SIK3: variants seen among roughly 807,000 people sequenced by gnomAD.
SIK3 encodes the protein SIK family kinase 3.
A neutral mutation model predicts 144.2 loss-of-function variants in SIK3; 28 were observed. The ratio of observed to expected loss-of-function variants is 0.19; its 90% CI spans 0.14 to 0.27. The LOEUF is 0.27. Among genes scored for constraint, SIK3 ranks in the 10% least tolerant of loss-of-function variants. The pLI is 1.00. For synonymous variants in SIK3, 686 were observed against 676.3 expected (o/e 1.01, Z -0.22); for missense variants, 1,319 against 1,776.0 (o/e 0.74, Z 4.62).
At chr11:116,865,207 G>A (rs2134454822) in intron 15 of SIK3, 1 of 151,422 alleles carries the variant, frequency 6.6e-6, no homozygotes, top group South Asian at 2.1e-4. Context: ...TGATTCCTAT[G>A]CTTTCAATGT....
At chr11:116,946,301 C>T (rs1004403808) in intron 3 of SIK3, among the ~76,000 whole-genome samples, 2 of 152,162 alleles carry the variant, frequency 1.3e-5, no homozygotes, top group Non-Finnish European at 2.9e-5. Context: ...ACTCAACCTG[C>T]CACAATTACA....
rs753201277 is a variant in SIK3, at chr11:116,875,261, C to T, written c.1324G>A (p.Gly442Arg). 1.9e-6 allele frequency: 3 copies of T among 1,614,114 alleles called. No individual in the cohort carries two copies. Among genetic ancestry groups the T allele is most frequent in the Admixed American group, 1.7e-5 (1 of 60,024 alleles). The change falls in exon 11 of 25, where the codon GGG becomes AGG. Residue 442 changes from glycine (G) to arginine (R), a missense_variant. By Grantham distance (125) the Gly-to-Arg change is moderately radical. Coordinates refer to ENST00000445177, the MANE Select transcript of SIK3 (RefSeq NM_001366686.3). ...TCATCACTGTCCAAATTCAGTGTCCCATCCGGCTGAGGTGGAGGGAAACAC... is the reference window on the plus strand; with the variant it reads ...TCATCACTGTCCAAATTCAGTGTCCTATCCGGCTGAGGTGGAGGGAAACAC... Reference protein sequence around the residue: ...NPENQIVEPDGTLNLDSDEGE... With the variant: ...NPENQIVEPDRTLNLDSDEGE...
intron 4 of SIK3, among the ~76,000 whole-genome samples, chr11:116,924,697 CCCCAACTACA>C (rs1947180225): frequency 6.6e-6 from 1 of 152,152 alleles, no homozygotes; most frequent in Non-Finnish European, 1.5e-5. Flanking sequence ...TCCTTCCCCA[CCCCAACTACA>C]CCCAAGGAGA....
At chr11:116,880,483 G>C (rs911011674) in intron 6 of SIK3, among the ~76,000 whole-genome samples, 2 of 152,114 alleles carry the variant, frequency 1.3e-5, no homozygotes, top group African/African-American at 4.8e-5. Flanking sequence ...TTTTAATCTT[G>C]ACTATCCTAC....
chr11:116,991,912 C>G (rs1591492924), intron 1 of SIK3, among the ~76,000 whole-genome samples: 1 of 152,062 alleles, frequency 6.6e-6, no homozygotes, highest in African/African-American at 2.4e-5. Flanking sequence ...TTTTTCATTT[C>G]TAACTCATAG....
rs35279676 is a variant in SIK3, at chr11:117,005,336, GAAAAAA to G, written c.274-48278_274-48273del. 4.1e-3 allele frequency among the ~76,000 whole-genome samples: 228 copies of G among 55,980 alleles called. 2 individuals are homozygous for G. Among genetic ancestry groups the G allele is most frequent in the South Asian group, 0.03 (29 of 970 alleles). The allele number at this position is 55,980 out of a possible 152,430, so 36.7% of individuals were successfully genotyped here. A position where few individuals can be genotyped will look rare whatever the true frequency, so the allele number is the denominator to read the frequency against. ...GGTGACAGAGCGAGACCCCGTCTCA[GAAAAAA>G]AAAAAAAAAAAAAAAAAAAGATAAA... On this transcript the variant is annotated intron_variant, in intron 1 of 24. Coordinates refer to ENST00000445177, the MANE Select transcript of SIK3 (RefSeq NM_001366686.3).
intron 1 of SIK3, among the ~76,000 whole-genome samples, chr11:117,020,208 C>T (rs991970729): frequency 4.5e-5 from 5 of 110,160 alleles, no homozygotes; most frequent in East Asian, 2.2e-4. Flanking sequence ...CATCATGGGT[C>T]GCGGTGATAT....
At chr11:116,866,256 A>C (rs1943628784) in intron 15 of SIK3, among the ~76,000 whole-genome samples, 1 of 152,192 alleles carries the variant, frequency 6.6e-6, no homozygotes, top group Admixed American at 6.5e-5. Context: ...CTTCAGCTAA[A>C]CAACAGACTC....
chr11:117,013,905 GGGGGGGGAGGGTGTGT>G (rs1951387649), intron 1 of SIK3, among the ~76,000 whole-genome samples: 1 of 47,244 alleles, frequency 2.1e-5, no homozygotes, highest in African/African-American at 6.7e-5. Flanking sequence ...TCTGAGGGGG[GGGGGGGGAGGGTGTGT>G]GTGTGTGTGT....
chr11:117,003,134 TCCTATGATA>T (rs1950913339), intron 1 of SIK3, among the ~76,000 whole-genome samples: 1 of 152,196 alleles, frequency 6.6e-6, no homozygotes, highest in East Asian at 1.9e-4. Flanking sequence ...ACATCTCGTT[TCCTATGATA>T]CTGATTTTTG....
In SIK3 at chr11:116,862,342, G is replaced by A; in HGVS notation, c.2104-15C>T. On this transcript the variant is annotated splice_polypyrimidine_tract_variant and intron_variant, in intron 16 of 24. Coordinates refer to ENST00000445177, the MANE Select transcript of SIK3 (RefSeq NM_001366686.3). ...TGCTCACACTCCTGAAGGGAAAGTA[G>A]TTAATACAGATGGGATGCAGCCAGA... 1 of 1,614,110 alleles carries A rather than the reference G, an allele frequency of 6.2e-7. No individual in the cohort carries two copies. The highest frequency in any genetic ancestry group is 8.5e-7 in the Non-Finnish European group (1 of 1,179,980).
chr11:116,884,228 T>A (rs1163227974), intron 6 of SIK3, among the ~76,000 whole-genome samples: 10 of 152,128 alleles, frequency 6.6e-5, no homozygotes, highest in Non-Finnish European at 1.5e-4. Context: ...TGGAGTCTCA[T>A]TCTGTTGGCC....
At chr11:117,069,715 T>TCC (rs1454796131) in intron 1 of SIK3, among the ~76,000 whole-genome samples, 1 of 152,158 alleles carries the variant, frequency 6.6e-6, no homozygotes, top group African/African-American at 2.4e-5. Context: ...AAAGAATATA[T>TCC]CCCTTCTATT....
chr11:117,009,354 T>A lies in SIK3; in HGVS notation c.274-52290A>T, dbSNP rs142321543. ...TGAGCCCAGGAGTTCGAGACCAGCC[T>A]GGGCAACAAAGCAAGACCCTGTCTC... On this transcript the variant is annotated intron_variant, in intron 1 of 24. Transcript: ENST00000445177. Among the ~76,000 whole-genome samples, 838 of 151,962 alleles carry A rather than the reference T, an allele frequency of 5.5e-3. 12 individuals carry two copies. The highest frequency in any genetic ancestry group is 0.049 in the East Asian group (250 of 5,148).
intron 3 of SIK3, among the ~76,000 whole-genome samples, chr11:116,946,390 A>G (rs2135321465): frequency 6.6e-6 from 1 of 152,290 alleles, no homozygotes; most frequent in South Asian, 2.1e-4. Flanking sequence ...AGCAGCATGA[A>G]CATCAACATA....
chr11:116,964,885 A>AAAT (rs60005446), intron 1 of SIK3, among the ~76,000 whole-genome samples: 21,357 of 150,882 alleles, frequency 0.14, 2,484 homozygotes, highest in African/African-American at 0.32. Context: ...TCCATCTCAA[A>AAAT]AATAATAATA....
At chr11:116,988,828 T>C (rs1486457274) in intron 1 of SIK3, among the ~76,000 whole-genome samples, 5 of 150,652 alleles carry the variant, frequency 3.3e-5, no homozygotes, top group Admixed American at 2.0e-4. Flanking sequence ...CATATATATG[T>C]ATAAATATAA....
intron 1 of SIK3, among the ~76,000 whole-genome samples, chr11:117,043,949 C>T (rs1952850752): frequency 6.6e-6 from 1 of 152,184 alleles, no homozygotes; most frequent in Non-Finnish European, 1.5e-5. Flanking sequence ...CAGTATAGTT[C>T]TGACTCAATA....
At chr11:117,074,301 C>T (rs951133320) in intron 1 of SIK3, among the ~76,000 whole-genome samples, 1 of 152,162 alleles carries the variant, frequency 6.6e-6, no homozygotes, top group South Asian at 2.1e-4. Flanking sequence ...GCTTGCCCCA[C>T]CTAGGTCTAC....
Sources: allele counts gnomAD v4.1 joint callset (sites outside exome capture counted in the v4.1 genomes callset), GRCh38; gene constraint gnomAD v4.1.1; transcripts MANE v1.5; gene names NCBI Gene and HGNC (gene_info 2026-07-23, HGNC 2026-07-21).